Variants in TYW1B observed in about 807,000 individuals in gnomAD.
TYW1B encodes tRNA-yW synthesizing protein 1 homolog B, also known as S-adenosyl-L-methionine-dependent tRNA 4-demethylwyosine synthase TYW1B.
A neutral mutation model predicts 86.9 loss-of-function variants in TYW1B; 73 were observed. The observed-to-expected ratio is 0.84, with a 90% CI of 0.70 to 1.02. The LOEUF (loss-of-function observed/expected upper bound fraction) is 1.02, where lower values mean the gene tolerates loss of function less well. TYW1B is among the 50% of genes least tolerant of loss of function. The pLI is 0.00. For synonymous variants in TYW1B, 248 were observed against 292.8 expected (o/e 0.85, Z 1.56); for missense variants, 637 against 827.4 (o/e 0.77, Z 2.82).
intron 11 of TYW1B, among the ~76,000 whole-genome samples, chr7:72,682,637 C>CATCACTTG (rs1813903183): frequency 6.6e-6 from 1 of 152,184 alleles, no homozygotes; most frequent in South Asian, 2.1e-4. Context: ...ATCACTGTGT[C>CATCACTTG]TTAACAAGTA....
rs10714290 is a variant in TYW1B at position 72,727,811 on chromosome 7, C to CAA, written c.1192+1009_1192+1010dup. ...CTGGGTGACAGAGTGAGATCCGGTCCAAAAAAAAAAAAAAAAAAAAAAGAA... is the reference window on the plus strand; with the variant it reads ...CTGGGTGACAGAGTGAGATCCGGTCCAAAAAAAAAAAAAAAAAAAAAAAAGAA... On this transcript the variant is annotated intron_variant, in intron 9 of 13. Transcript: ENST00000620995. Among the ~76,000 whole-genome samples the CAA allele has an allele frequency of 6.3e-3, 683 of 107,570 alleles. 5 individuals are homozygous for CAA. Among genetic ancestry groups the CAA allele is most frequent in the African/African-American group, 0.02 (545 of 27,888 alleles). 70.6% of individuals were successfully genotyped at this position (107,570 alleles called of 152,430 possible). A position where few individuals can be genotyped will look rare whatever the true frequency, so the allele number is the denominator to read the frequency against.
chr7:72,644,015 T>A (rs1314100739), intron 11 of TYW1B, among the ~76,000 whole-genome samples: 5 of 152,156 alleles, frequency 3.3e-5, no homozygotes, highest in East Asian at 1.9e-4. Context: ...TACAAAAGAA[T>A]CCCAAGATAC....
chr7:72,759,064 C>G (rs1459147141), intron 7 of TYW1B, among the ~76,000 whole-genome samples: 1 of 152,174 alleles, frequency 6.6e-6, no homozygotes, highest in Non-Finnish European at 1.5e-5. Flanking sequence ...GGTGCGGTAG[C>G]TTATGCCTGT....
chr7:72,818,578 C>CAAA (rs57325230), intron 2 of TYW1B, among the ~76,000 whole-genome samples: 453 of 38,266 alleles, frequency 0.012, 17 homozygotes, highest in African/African-American at 0.039. Context: ...GACTCCATCT[C>CAAA]AAAAAAAAAA....
At chr7:72,612,840 C>T (rs1391461941) in intron 13 of TYW1B, among the ~76,000 whole-genome samples, 1 of 151,940 alleles carries the variant, frequency 6.6e-6, no homozygotes, top group African/African-American at 2.4e-5. Context: ...GCCTTGACCT[C>T]CTGGGCTCAG....
chr7:72,747,863 T>C (rs868939079), intron 7 of TYW1B, among the ~76,000 whole-genome samples: 3 of 152,212 alleles, frequency 2.0e-5, no homozygotes, highest in Admixed American at 2.0e-4. Flanking sequence ...TTTTTAAAAT[T>C]TTCAGCATCC....
chr7:72,676,232 T>C (rs569701809), intron 11 of TYW1B, among the ~76,000 whole-genome samples: 76 of 152,330 alleles, frequency 5.0e-4, no homozygotes, highest in Non-Finnish European at 5.9e-4. Flanking sequence ...GACCTTCAAT[T>C]TCCTCGTCTG....
At chr7:72,675,409 A>G (rs1261979475) in intron 11 of TYW1B, among the ~76,000 whole-genome samples, 2 of 151,960 alleles carry the variant, frequency 1.3e-5, no homozygotes, top group Admixed American at 6.6e-5. Flanking sequence ...AAAAAAATTA[A>G]AAAAAGAAAA....
At chr7:72,660,287 T>C (rs1170804602) in intron 11 of TYW1B, among the ~76,000 whole-genome samples, 1 of 152,026 alleles carries the variant, frequency 6.6e-6, no homozygotes, top group African/African-American at 2.4e-5. Flanking sequence ...GGTGGGAGGA[T>C]CGCTTGAGCC....
At chr7:72,752,687 C>T (rs1787520155) in intron 7 of TYW1B, among the ~76,000 whole-genome samples, 1 of 152,092 alleles carries the variant, frequency 6.6e-6, no homozygotes, top group African/African-American at 2.4e-5. Context: ...GCCAAGATTG[C>T]ACCACCGCAC....
rs781974591 is a variant in TYW1B, at chr7:72,777,535, T to C, written c.847-2A>G. The C allele has an allele frequency of 1.9e-6, 3 of 1,613,500 alleles. No homozygotes were observed. Among genetic ancestry groups the C allele is most frequent in the Non-Finnish European group, 2.5e-6 (3 of 1,179,818 alleles). On this transcript the variant is annotated splice_acceptor_variant, in intron 6 of 13. Coordinates refer to ENST00000620995, the MANE Select transcript of TYW1B (RefSeq NM_001145440.3). LOFTEE classifies it high-confidence loss of function. ...CTCTTCCTGCTGTTCCTTTTCTCTC[T>C]GCATTAAAATAAAAGAATGAAATCC...
At chr7:72,809,592 C>T (rs1218074690) in intron 4 of TYW1B, among the ~76,000 whole-genome samples, 1 of 151,940 alleles carries the variant, frequency 6.6e-6, no homozygotes, top group Admixed American at 6.6e-5. Flanking sequence ...CTTCAAGGTT[C>T]AGAGAATGCT....
chr7:72,810,290 A>C (rs1273059013), intron 4 of TYW1B, among the ~76,000 whole-genome samples, 181 bp downstream of exon 4: 1 of 152,196 alleles, frequency 6.6e-6, no homozygotes, highest in Non-Finnish European at 1.5e-5. Flanking sequence ...TCAATCAATA[A>C]ATAAAATAAT....
intron 10 of TYW1B, among the ~76,000 whole-genome samples, chr7:72,705,229 T>A (rs2129570547): frequency 6.6e-6 from 1 of 152,342 alleles, no homozygotes; most frequent in East Asian, 1.9e-4. Context: ...TTCACTCATC[T>A]CTTCAAACAT....
intron 11 of TYW1B, among the ~76,000 whole-genome samples, chr7:72,690,306 A>T (rs1487474174): frequency 3.3e-4 from 3 of 8,994 alleles, no homozygotes; most frequent in Admixed American, 8.7e-4. Context: ...CTCTTTTTTT[A>T]AAAAAAGGAC....
intron 11 of TYW1B, among the ~76,000 whole-genome samples, chr7:72,646,896 T>TA (rs532515703): frequency 2.5e-3 from 378 of 152,330 alleles, no homozygotes; most frequent in Middle Eastern, 6.8e-3. Flanking sequence ...AAATCCACAA[T>TA]AAAAAGTTTA....
At chr7:72,711,314 G>C (rs533905420) in intron 10 of TYW1B, among the ~76,000 whole-genome samples, 1 of 152,158 alleles carries the variant, frequency 6.6e-6, no homozygotes, top group Admixed American at 6.6e-5. Flanking sequence ...CACAGAAGCA[G>C]TCCAGGCTTC....
At chr7:72,699,262 A>T (rs1814399017) in intron 10 of TYW1B, among the ~76,000 whole-genome samples, 1 of 152,198 alleles carries the variant, frequency 6.6e-6, no homozygotes. Context: ...CAGCTGTGAG[A>T]TGCAGCAGGA....
intron 13 of TYW1B, among the ~76,000 whole-genome samples, chr7:72,584,424 C>T (rs561995656): frequency 1.1e-3 from 166 of 151,542 alleles, no homozygotes; most frequent in African/African-American, 3.9e-3. Context: ...CTTTGTTTAA[C>T]TTATCTAAAA....
Sources: gnomAD v4.1 joint callset for allele counts (sites outside exome capture counted in the v4.1 genomes callset) on GRCh38, gnomAD v4.1.1 for gene constraint, MANE v1.5 for transcripts, NCBI Gene and HGNC (gene_info 2026-07-23, HGNC 2026-07-21) for gene names.